The following SNPH variants were observed in gnomAD, a reference collection of about 807,000 sequenced individuals.
SNPH encodes the protein syntaphilin.
SNPH carries 10 observed loss-of-function variants against 36.8 expected under a neutral mutation model. The ratio of observed to expected loss-of-function variants is 0.27; its 90% CI spans 0.17 to 0.46. The LOEUF (loss-of-function observed/expected upper bound fraction) is 0.46, where lower values mean the gene tolerates loss of function less well. Ranked by LOEUF, SNPH falls within the 20% of genes least tolerant of loss-of-function variation. The pLI, the probability that SNPH is intolerant of heterozygous loss-of-function variation, is 1.00. For missense variants in SNPH, 622 were observed against 744.0 expected (o/e 0.84, Z 1.91); for synonymous variants, 281 against 312.2 (o/e 0.90, Z 1.05).
chr20:1,296,544 T>G, intron 4 of SNPH, 123 bp downstream of exon 4: 1 of 821,804 alleles, frequency 1.2e-6, no homozygotes, highest in Non-Finnish European at 1.9e-6. Context: ...TTCCCATCTT[T>G]AAAATGAGCT....
chr20:1,302,792 T>A (rs2088519311), intron 6 of SNPH, among the ~76,000 whole-genome samples: 1 of 152,258 alleles, frequency 6.6e-6, no homozygotes, highest in Admixed American at 6.5e-5. Context: ...TTGGATTTGT[T>A]GTGGTTTTAA....
intron 2 of SNPH, among the ~76,000 whole-genome samples, chr20:1,281,753 C>A (rs889355426): frequency 9.2e-5 from 14 of 152,138 alleles, no homozygotes; most frequent in Admixed American, 9.2e-4. Context: ...ACACGTGCTT[C>A]GATTATGGGA....
intron 2 of SNPH, among the ~76,000 whole-genome samples, chr20:1,284,726 A>G (rs1372424720): frequency 2.6e-5 from 4 of 152,072 alleles, no homozygotes; most frequent in Non-Finnish European, 5.9e-5. Flanking sequence ...GATGTGCAAG[A>G]AGGCAGGGTG....
rs1600240546 is a variant in SNPH, at chr20:1,266,334, A to C, written c.-663A>C. ...GAGCACCCAGCTAGCCGCCTCCTGC[A>C]GGGGCTCGGGAGAGCAATTCGGCGG... On this transcript the variant is annotated 5_prime_UTR_variant, in exon 1 of 7. Coordinates refer to ENST00000381867, the MANE Select transcript of SNPH (RefSeq NM_001318234.2). This position sits in a 1 kb window ranked among gnomAD's most constrained non-coding sequence, Gnocchi z 6.0. 2 of 196,560 alleles carry C rather than the reference A, an allele frequency of 1.0e-5. No individual in the cohort carries two copies. The highest frequency in any genetic ancestry group is 2.0e-5 in the Non-Finnish European group (2 of 98,790). 12.2% of individuals were successfully genotyped at this position (196,560 alleles called of 1,614,324 possible). A position where few individuals can be genotyped will look rare whatever the true frequency, so the allele number is the denominator to read the frequency against.
intron 2 of SNPH, among the ~76,000 whole-genome samples, chr20:1,279,885 A>T (rs1412695049): frequency 6.6e-6 from 1 of 152,152 alleles, no homozygotes; most frequent in Non-Finnish European, 1.5e-5. Context: ...AGCATCCTTC[A>T]TCTTGTGAAG....
intron 2 of SNPH, among the ~76,000 whole-genome samples, chr20:1,288,607 G>C (rs2088311566): frequency 6.6e-6 from 1 of 151,744 alleles, no homozygotes; most frequent in Admixed American, 6.6e-5. Context: ...GGCACATGAG[G>C]AATTTCTTTT....
chr20:1,301,129 C>G (rs943508108), intron 6 of SNPH, among the ~76,000 whole-genome samples: 1 of 152,226 alleles, frequency 6.6e-6, no homozygotes, highest in African/African-American at 2.4e-5. Context: ...CTCGCTTCCT[C>G]CTGAGTGAGT....
chr20:1,291,410 T>C (rs1600256684), intron 2 of SNPH, among the ~76,000 whole-genome samples: 1 of 152,188 alleles, frequency 6.6e-6, no homozygotes, highest in African/African-American at 2.4e-5. Context: ...CAGAGGCACA[T>C]AGTGGCTGAT....
chr20:1,289,609 G>GC (rs2088330312), intron 2 of SNPH, among the ~76,000 whole-genome samples: 1 of 151,396 alleles, frequency 6.6e-6, no homozygotes, highest in South Asian at 2.1e-4. Context: ...AACTCAGGAG[G>GC]TGACGCTGGT....
chr20:1,302,831 C>A (rs1190292056), intron 6 of SNPH, among the ~76,000 whole-genome samples: 3 of 152,354 alleles, frequency 2.0e-5, no homozygotes, highest in East Asian at 1.9e-4. Context: ...TAGCATTCAG[C>A]GAGCTTCATT....
intron 2 of SNPH, among the ~76,000 whole-genome samples, chr20:1,277,555 C>CTGTGTG (rs147950725): frequency 7.5e-6 from 1 of 133,228 alleles, no homozygotes; most frequent in African/African-American, 2.9e-5. Context: ...GTGTGTGTAT[C>CTGTGTG]TGTGTGTGTG....
chr20:1,278,062 G>GTT (rs1555779133), intron 2 of SNPH, among the ~76,000 whole-genome samples: 2 of 131,544 alleles, frequency 1.5e-5, no homozygotes, highest in African/African-American at 3.2e-5. Flanking sequence ...GTGTGTGTCT[G>GTT]TGTGTGTATC....
intron 5 of SNPH, 38 bp downstream of exon 5, chr20:1,297,290 C>A: frequency 6.3e-7 from 1 of 1,591,132 alleles, no homozygotes; most frequent in Non-Finnish European, 8.6e-7. Context: ...GCCCTGCTGG[C>A]TGGGAACAGG....
chr20:1,275,463 C>T (rs569563578), intron 2 of SNPH, among the ~76,000 whole-genome samples: 109 of 152,246 alleles, frequency 7.2e-4, no homozygotes, highest in Middle Eastern at 3.4e-3. Flanking sequence ...GGATATGTGA[C>T]CTTATAGCAT....
In SNPH at chr20:1,306,891, AGAG is replaced by A. The variant is rs550256429; in HGVS notation, c.*842_*844del. The A allele has an allele frequency of 4.1e-4, 62 of 152,486 alleles. No individual in the cohort carries two copies. Among genetic ancestry groups the A allele is most frequent in the African/African-American group, 1.4e-3 (59 of 41,598 alleles). The allele number at this position is 152,486 out of a possible 1,614,324, so 9.4% of individuals were successfully genotyped here. A position where few individuals can be genotyped will look rare whatever the true frequency, so the allele number is the denominator to read the frequency against. ...AGCTGGAGAATCCACCAGCACAAGA[AGAG>A]GAGGCAGGGGCAGAAACCCAAGGGG... On this transcript the variant is annotated 3_prime_UTR_variant, in exon 7 of 7. Transcript: ENST00000381867.
chr20:1,284,996 A>G (rs2088268458), intron 2 of SNPH, among the ~76,000 whole-genome samples: 1 of 152,200 alleles, frequency 6.6e-6, no homozygotes, highest in African/African-American at 2.4e-5. Flanking sequence ...GGCTTGGACC[A>G]GGGATGGAGC....
chr20:1,296,585 T>G (rs2088438369), intron 4 of SNPH, among the ~76,000 whole-genome samples, 164 bp downstream of exon 4: 1 of 152,220 alleles, frequency 6.6e-6, no homozygotes, highest in Non-Finnish European at 1.5e-5. Flanking sequence ...TGGAACTATT[T>G]AATGGCTCAA....
At chr20:1,284,140 TA>T (rs1382374049) in intron 2 of SNPH, among the ~76,000 whole-genome samples, 1 of 152,224 alleles carries the variant, frequency 6.6e-6, no homozygotes, top group Non-Finnish European at 1.5e-5. Flanking sequence ...CCTCTGGTGC[TA>T]TTTTTTCAAA....
Position 1,285,481 on chromosome 20 carries a change from C to G in SNPH, c.-492-9470C>G, listed in dbSNP as rs937825942. Among the ~76,000 whole-genome samples the G allele has an allele frequency of 2.0e-5, 3 of 152,122 alleles. No individual in the cohort carries two copies. Among genetic ancestry groups the G allele is most frequent in the African/African-American group, 4.8e-5 (2 of 41,414 alleles). On this transcript the variant is annotated intron_variant, in intron 2 of 6. Transcript: ENST00000381867. The surrounding 1 kb of genome is among the most constrained non-coding windows in gnomAD (Gnocchi z 4.9). ...CATTGAGAATAAGAATATATTCAGGCGAATAAATAATTACTGCTATTTACG... is the reference window on the plus strand; with the variant it reads ...CATTGAGAATAAGAATATATTCAGGGGAATAAATAATTACTGCTATTTACG...
Sources: gnomAD v4.1 joint callset for allele counts (sites outside exome capture counted in the v4.1 genomes callset) on GRCh38, gnomAD v4.1.1 for gene constraint, Gnocchi (gnomAD v3.1) non-coding constraint, MANE v1.5 for transcripts, NCBI Gene and HGNC (gene_info 2026-07-23, HGNC 2026-07-21) for gene names.